The following CFAP61 variants were observed in gnomAD, a reference collection of about 807,000 sequenced individuals.
CFAP61 encodes the protein cilia and flagella associated protein 61.
In CFAP61, 107 loss-of-function variants were observed where a neutral mutation model predicts 135.6. The observed-to-expected ratio is 0.79, with a 90% CI of 0.67 to 0.93. CFAP61 has a LOEUF of 0.93. Among genes scored for constraint, CFAP61 ranks in the 40% least tolerant of loss-of-function variants. The pLI is 0.00. For missense variants in CFAP61, 1,507 were observed against 1,556.2 expected (o/e 0.97, Z 0.53); for synonymous variants, 575 against 578.5 (o/e 0.99, Z 0.09).
At chr20:20,155,927 C>T (rs992180225) in intron 9 of CFAP61, among the ~76,000 whole-genome samples, 53 of 152,022 alleles carry the variant, frequency 3.5e-4, no homozygotes, top group African/African-American at 1.0e-3. Context: ...GGGTGTCTAC[C>T]GAGTGGAAAA....
At chr20:20,144,570 A>G (rs908547405) in intron 9 of CFAP61, among the ~76,000 whole-genome samples, 3 of 152,004 alleles carry the variant, frequency 2.0e-5, no homozygotes, top group Non-Finnish European at 4.4e-5. Context: ...TATATGTGTA[A>G]TAGAAGTCCA....
Position 20,160,427 on chromosome 20 carries a change from C to T in CFAP61, c.1026+983C>T, listed in dbSNP as rs2053298529. Reference sequence around the variant, plus strand: ...GATTCTGACCAGTGAAGGAGTCTACCCAGAAGTCAGCTAGGGATTGAAGTA... The same window carrying T: ...GATTCTGACCAGTGAAGGAGTCTACTCAGAAGTCAGCTAGGGATTGAAGTA... On this transcript the variant is annotated intron_variant, in intron 10 of 26. Coordinates refer to ENST00000245957, the MANE Select transcript of CFAP61 (RefSeq NM_015585.4). 1.3e-5 allele frequency among the ~76,000 whole-genome samples: 2 copies of T among 152,128 alleles called. 1 individual carries two copies. The highest frequency in any genetic ancestry group is 1.3e-4 in the Admixed American group (2 of 15,268).
intron 12 of CFAP61, among the ~76,000 whole-genome samples, chr20:20,168,874 T>G (rs2054019846): frequency 6.6e-6 from 1 of 152,128 alleles, no homozygotes; most frequent in South Asian, 2.1e-4. Context: ...TCACAGAATT[T>G]TAGAGCCAAA....
chr20:20,155,593 C>G (rs1401113841), intron 9 of CFAP61, among the ~76,000 whole-genome samples: 2 of 151,946 alleles, frequency 1.3e-5, no homozygotes, highest in Non-Finnish European at 2.9e-5. Context: ...ATAATCCCAT[C>G]AAAAAGTGGG....
intron 8 of CFAP61, among the ~76,000 whole-genome samples, chr20:20,126,300 T>C (rs1297907862): frequency 6.6e-6 from 1 of 151,942 alleles, no homozygotes; most frequent in Non-Finnish European, 1.5e-5. Context: ...CATGTATTTT[T>C]GTATAGGTCC....
At chr20:20,338,892 G>A (rs2058336328) in intron 25 of CFAP61, among the ~76,000 whole-genome samples, 1 of 152,194 alleles carries the variant, frequency 6.6e-6, no homozygotes, top group South Asian at 2.1e-4. Context: ...GGTTAATTCA[G>A]TTCCGCAAGT....
chr20:20,261,265 CAA>C (rs1004382251), intron 20 of CFAP61, among the ~76,000 whole-genome samples: 3 of 152,130 alleles, frequency 2.0e-5, no homozygotes, highest in African/African-American at 7.2e-5. Flanking sequence ...AGTGTATAAC[CAA>C]AAGTTTCCTG....
intron 16 of CFAP61, 65 bp downstream of exon 16, chr20:20,196,841 G>A (rs879557133): frequency 8.9e-6 from 12 of 1,343,676 alleles, no homozygotes; most frequent in Non-Finnish European, 1.3e-5. Flanking sequence ...GGTGTTGTAC[G>A]CCGCATTCTA....
intron 17 of CFAP61, among the ~76,000 whole-genome samples, chr20:20,201,369 A>G (rs113821751): frequency 2.0e-5 from 3 of 152,306 alleles, no homozygotes; most frequent in African/African-American, 7.2e-5. Flanking sequence ...CTAATTTTGG[A>G]TGATCTGTGC....
rs750197471 is a variant in CFAP61 at position 20,288,601 on chromosome 20, CT to C, written c.2797-6del. On this transcript the variant is annotated splice_polypyrimidine_tract_variant and splice_region_variant and intron_variant, in intron 22 of 26. Transcript: ENST00000245957. ...AACTGAATATTGCTGTAATTGTTCA[CT>C]TCGTAGATGTTCTTCAGCTTCTGTG... The C allele has an allele frequency of 3.6e-5, 58 of 1,606,442 alleles. No homozygotes were observed. Among genetic ancestry groups the C allele is most frequent in the Non-Finnish European group, 4.8e-5 (56 of 1,173,378 alleles).
chr20:20,191,648 T>G (rs992385508), intron 15 of CFAP61, among the ~76,000 whole-genome samples: 1 of 152,152 alleles, frequency 6.6e-6, no homozygotes, highest in Non-Finnish European at 1.5e-5. Context: ...GAAAACATTC[T>G]CACCCTAAAA....
At chr20:20,062,163 T>G (rs1330900927) in intron 2 of CFAP61, among the ~76,000 whole-genome samples, 2 of 152,060 alleles carry the variant, frequency 1.3e-5, no homozygotes, top group Non-Finnish European at 1.5e-5. Context: ...GAAGGCCCCA[T>G]GTCACTCTTC....
intron 6 of CFAP61, among the ~76,000 whole-genome samples, chr20:20,090,043 G>T (rs759450275): frequency 3.9e-5 from 6 of 152,206 alleles, no homozygotes; most frequent in Non-Finnish European, 8.8e-5. Flanking sequence ...TTAGGCATTG[G>T]AATTCTTTGG....
chr20:20,265,991 C>A (rs2052706572), intron 21 of CFAP61, among the ~76,000 whole-genome samples: 2 of 152,282 alleles, frequency 1.3e-5, no homozygotes, highest in South Asian at 4.1e-4. Flanking sequence ...AAGCCCGTCC[C>A]CACCTGAGCC....
chr20:20,132,354 T>A (rs955421129), intron 8 of CFAP61, among the ~76,000 whole-genome samples: 1 of 152,120 alleles, frequency 6.6e-6, no homozygotes, highest in African/African-American at 2.4e-5. Flanking sequence ...TTTTGTTTTG[T>A]TTTTTACTAG....
At chr20:20,285,848 G>A (rs2054546072) in intron 22 of CFAP61, among the ~76,000 whole-genome samples, 1 of 151,106 alleles carries the variant, frequency 6.6e-6, no homozygotes, top group Non-Finnish European at 1.5e-5. Flanking sequence ...TTGAACCCGG[G>A]AGGTCAAGGC....
chr20:20,345,600 G>A (rs1444178116), intron 26 of CFAP61, among the ~76,000 whole-genome samples: 1 of 152,106 alleles, frequency 6.6e-6, no homozygotes, highest in Non-Finnish European at 1.5e-5. Flanking sequence ...AATATTGTTA[G>A]AAGTCATCTG....
At chr20:20,063,294 C>A (rs569175579) in intron 2 of CFAP61, among the ~76,000 whole-genome samples, 1 of 152,022 alleles carries the variant, frequency 6.6e-6, no homozygotes, top group Non-Finnish European at 1.5e-5. Flanking sequence ...GGAAAGTTAA[C>A]GGCCAATCTC....
At position 20,098,801 on chromosome 20, in the gene CFAP61, C is replaced by G. The variant is rs567362692; in HGVS notation, c.846C>G (p.Val282=). The part of the protein sequence containing the change: ...DVLESPQDLS[V]RRSQDAELRS... ...TGGAATCACCACAAGACCTAAGTGTCCGAAGAAGTCAAGGTACAGTGGCTA... is the reference window on the plus strand; with the variant it reads ...TGGAATCACCACAAGACCTAAGTGTGCGAAGAAGTCAAGGTACAGTGGCTA... Residue 282 remains valine (V), a synonymous_variant, in exon 8 of 27, where the codon GTC becomes GTG. Coordinates refer to ENST00000245957, the MANE Select transcript of CFAP61 (RefSeq NM_015585.4). The G allele has an allele frequency of 1.4e-5, 22 of 1,611,988 alleles. No homozygotes were observed. Among genetic ancestry groups the G allele is most frequent in the Non-Finnish European group, 1.9e-5 (22 of 1,179,316 alleles).
Sources: gnomAD v4.1 joint callset for allele counts (sites outside exome capture counted in the v4.1 genomes callset) on GRCh38, gnomAD v4.1.1 for gene constraint, MANE v1.5 for transcripts, NCBI Gene and HGNC (gene_info 2026-07-23, HGNC 2026-07-21) for gene names.